Variants in OXR1 observed in about 807,000 individuals in gnomAD.
OXR1 encodes oxidation resistance protein 1.
Under a neutral mutation model 104.6 loss-of-function variants are expected in OXR1, and 41 were observed. The ratio of observed to expected loss-of-function variants is 0.39; its 90% confidence interval spans 0.31 to 0.51. The LOEUF (loss-of-function observed/expected upper bound fraction) is 0.51, where lower values mean the gene tolerates loss of function less well. Ranked by LOEUF, OXR1 falls within the 20% of genes least tolerant of loss-of-function variation. The pLI is 0.77. For missense variants in OXR1, 955 were observed against 1,031.9 expected, an observed-to-expected ratio of 0.93 and a Z score of 1.02; for synonymous variants, 348 against 348.4, an observed-to-expected ratio of 1.00 and a Z score of 0.01.
intron 1 of OXR1, among the ~76,000 whole-genome samples, chr8:106,293,770 G>T (rs149155257): frequency 5.3e-5 from 8 of 152,184 alleles, no homozygotes; most frequent in Non-Finnish European, 8.8e-5. Flanking sequence ...GCAAAAGACA[G>T]AACCCATTCC....
At chr8:106,333,223 T>C (rs1441549481) in intron 1 of OXR1, among the ~76,000 whole-genome samples, 1 of 152,128 alleles carries the variant, frequency 6.6e-6, no homozygotes, top group Non-Finnish European at 1.5e-5. Flanking sequence ...TGCCAAACTT[T>C]TTCACAGCAG....
chr8:106,591,301 G>C (rs1300698463), intron 3 of OXR1, among the ~76,000 whole-genome samples: 1 of 105,310 alleles, frequency 9.5e-6, no homozygotes, highest in Non-Finnish European at 1.9e-5. Context: ...GTGGGGGGAG[G>C]GGGGAGGGGG....
At chr8:106,500,251 A>G (rs1422565940) in intron 2 of OXR1, among the ~76,000 whole-genome samples, 3 of 152,250 alleles carry the variant, frequency 2.0e-5, no homozygotes, top group Non-Finnish European at 4.4e-5. Context: ...AGAAAAAACA[A>G]CAAGGAAGTA....
intron 3 of OXR1, among the ~76,000 whole-genome samples, chr8:106,536,164 G>A (rs917008034): frequency 1.3e-5 from 2 of 151,542 alleles, no homozygotes; most frequent in African/African-American, 4.9e-5. Flanking sequence ...AGCTTGCAGT[G>A]AGCAGAGATC....
chr8:106,654,693 TCTTA>T (rs1004976295), intron 3 of OXR1, among the ~76,000 whole-genome samples: 14 of 152,182 alleles, frequency 9.2e-5, no homozygotes, highest in African/African-American at 3.1e-4. Context: ...GTCAGTGATT[TCTTA>T]GATACAATGC....
At chr8:106,380,049 C>T (rs950373450) in intron 2 of OXR1, among the ~76,000 whole-genome samples, 2 of 151,992 alleles carry the variant, frequency 1.3e-5, no homozygotes, top group African/African-American at 4.8e-5. Flanking sequence ...AAAATATTTT[C>T]ATCACCCTAA....
At chr8:106,598,464 C>T (rs1819695306) in intron 3 of OXR1, among the ~76,000 whole-genome samples, 1 of 152,144 alleles carries the variant, frequency 6.6e-6, no homozygotes, top group East Asian at 1.9e-4. Flanking sequence ...AATAACTTAC[C>T]AATCAATGTC....
intron 3 of OXR1, among the ~76,000 whole-genome samples, chr8:106,630,007 A>G (rs186217188): frequency 6.6e-6 from 1 of 152,312 alleles, no homozygotes; most frequent in East Asian, 1.9e-4. Context: ...CTGCCTTTAC[A>G]TTTATTAGAC....
chr8:106,453,119 G>T (rs572424373), intron 2 of OXR1, among the ~76,000 whole-genome samples: 36 of 152,236 alleles, frequency 2.4e-4, no homozygotes, highest in African/African-American at 8.4e-4. Flanking sequence ...TCAAGTGCCT[G>T]GTCAGATGTG....
intron 3 of OXR1, among the ~76,000 whole-genome samples, chr8:106,545,951 G>A (rs1169168043): frequency 6.7e-6 from 1 of 149,370 alleles, no homozygotes; most frequent in Non-Finnish European, 1.5e-5. Context: ...AGCTGAGATC[G>A]CACCACTGTA....
chr8:106,403,747 T>C (rs1235172049), intron 2 of OXR1, among the ~76,000 whole-genome samples: 1 of 152,264 alleles, frequency 6.6e-6, no homozygotes, highest in Admixed American at 6.5e-5. Context: ...TCAATAAGTT[T>C]GGCCTTTTCC....
chr8:106,692,624 A>G lies in OXR1; in HGVS notation c.526-104A>G, dbSNP rs921349592. The G allele has an allele frequency of 6.5e-5, 40 of 611,232 alleles. 2 individuals carry two copies. In the Admixed American group the frequency reaches 1.1e-3, roughly 17 times the overall value. The allele number at this position is 611,232 out of a possible 1,614,324, so 37.9% of individuals were successfully genotyped here. Reference sequence around the variant, plus strand: ...GACTTCCAGAATGCGGTGAAATGAAACAACACTTATTGGGGAAAGCTATTC... The same window carrying G: ...GACTTCCAGAATGCGGTGAAATGAAGCAACACTTATTGGGGAAAGCTATTC... On this transcript the variant is annotated intron_variant, in intron 6 of 16. Transcript: ENST00000517566.
chr8:106,584,321 T>G (rs1818468227), intron 3 of OXR1, among the ~76,000 whole-genome samples: 1 of 146,476 alleles, frequency 6.8e-6, no homozygotes, highest in African/African-American at 2.5e-5. Flanking sequence ...AAGAGAGGGG[T>G]GTTCGGGGGA....
chr8:106,467,483 C>T (rs1349106528), intron 2 of OXR1, among the ~76,000 whole-genome samples: 1 of 151,808 alleles, frequency 6.6e-6, no homozygotes, highest in East Asian at 1.9e-4. Context: ...GCAGCATGAC[C>T]CTCAGCCTAA....
chr8:106,275,392 A>C (rs543454385), intron 1 of OXR1, among the ~76,000 whole-genome samples: 3 of 152,328 alleles, frequency 2.0e-5, no homozygotes, highest in Non-Finnish European at 4.4e-5. Flanking sequence ...CAGTGGTAGA[A>C]GACAATGGGC....
chr8:106,519,562 G>T (rs1244152185), intron 3 of OXR1, among the ~76,000 whole-genome samples: 1 of 152,132 alleles, frequency 6.6e-6, no homozygotes, highest in Non-Finnish European at 1.5e-5. Flanking sequence ...TGTTCCGTCA[G>T]GTTGTTAAGA....
intron 11 of OXR1, among the ~76,000 whole-genome samples, chr8:106,727,215 G>T (rs1463601575): frequency 6.7e-6 from 1 of 149,454 alleles, no homozygotes; most frequent in Non-Finnish European, 1.5e-5. Flanking sequence ...TTTAAACCAA[G>T]AACAATGAAG....
chr8:106,664,583 A>G (rs1454795018), intron 3 of OXR1, among the ~76,000 whole-genome samples: 3 of 152,252 alleles, frequency 2.0e-5, no homozygotes, highest in Non-Finnish European at 4.4e-5. Flanking sequence ...TTAGGCCTAT[A>G]AAAGTGGCCA....
At chr8:106,708,970 G>A (rs887340239) in intron 9 of OXR1, among the ~76,000 whole-genome samples, 3 of 149,208 alleles carry the variant, frequency 2.0e-5, no homozygotes, top group African/African-American at 7.7e-5. Flanking sequence ...AAGACCTAAG[G>A]GCTGTGTTCA....
Sources: gnomAD v4.1 joint callset for allele counts (sites outside exome capture counted in the v4.1 genomes callset) on GRCh38, gnomAD v4.1.1 for gene constraint, MANE v1.5 for transcripts, NCBI Gene and HGNC (gene_info 2026-07-23, HGNC 2026-07-21) for gene names.